The following PACSIN2 variants were observed in gnomAD, a reference collection of about 807,000 sequenced individuals.
The protein encoded by PACSIN2 is protein kinase C and casein kinase substrate in neurons 2.
In PACSIN2, 25 loss-of-function variants were observed where a neutral mutation model predicts 63.8. That is an observed-to-expected ratio of 0.39 (90% confidence interval 0.29 to 0.55). The LOEUF (loss-of-function observed/expected upper bound fraction) is 0.55, where lower values mean the gene tolerates loss of function less well. Ranked by LOEUF, PACSIN2 falls within the 20% of genes least tolerant of loss-of-function variation. The pLI, the probability that PACSIN2 is intolerant of heterozygous loss-of-function variation, is 0.62. For missense variants in PACSIN2, 518 were observed against 646.9 expected (o/e 0.80, Z 2.16); for synonymous variants, 255 against 256.2 (o/e 1.00, Z 0.05).
At chr22:42,950,460 AAAG>A (rs1170683543) in intron 1 of PACSIN2, among the ~76,000 whole-genome samples, 2 of 151,966 alleles carry the variant, frequency 1.3e-5, no homozygotes, top group Admixed American at 1.3e-4. Flanking sequence ...TTGGTTGAGG[AAAG>A]AAGGCCTGCA....
At chr22:42,974,223 A>G (rs925334614) in intron 1 of PACSIN2, among the ~76,000 whole-genome samples, 4 of 152,230 alleles carry the variant, frequency 2.6e-5, no homozygotes, top group African/African-American at 4.8e-5. Flanking sequence ...GACTAGGTAC[A>G]ATGAAAAACA....
chr22:42,933,154 C>A (rs979721429), intron 1 of PACSIN2, among the ~76,000 whole-genome samples: 2 of 152,182 alleles, frequency 1.3e-5, no homozygotes, highest in African/African-American at 4.8e-5. Context: ...CAGAGGAAAA[C>A]CTTGTTATCC....
chr22:42,871,354 T>G lies in PACSIN2; in HGVS notation c.*3A>C. The G allele has an allele frequency of 6.2e-7, 1 of 1,603,784 alleles. No individual in the cohort carries two copies. The highest frequency in any genetic ancestry group is 8.5e-7 in the Non-Finnish European group (1 of 1,170,418). ...GTCCCCCCGCTGGCCTGTCCCCGAC[T>G]CATCACTGGATCGCCTCCACATAAT... On this transcript the variant is annotated 3_prime_UTR_variant, in exon 11 of 11. Transcript: ENST00000263246. The surrounding 1 kb of genome is among the most constrained non-coding windows in gnomAD (Gnocchi z 5.4).
rs555274538 is a variant in PACSIN2 at position 42,918,853 on chromosome 22, T to C, written c.-77-6696A>G. 9.2e-5 allele frequency among the ~76,000 whole-genome samples: 14 copies of C among 152,260 alleles called. No individual in the cohort carries two copies. In the South Asian group the frequency reaches 2.5e-3, roughly 27 times the overall value. Reference sequence around the variant, plus strand: ...CTATAATTTTTTTTTGACACACACATGTCCTTAACCATAAAAATGAATCTG... The same window carrying C: ...CTATAATTTTTTTTTGACACACACACGTCCTTAACCATAAAAATGAATCTG... On this transcript the variant is annotated intron_variant, in intron 1 of 10. Coordinates refer to ENST00000263246, the MANE Select transcript of PACSIN2 (RefSeq NM_001184970.3).
chr22:42,875,692 C>T (rs192422722), intron 10 of PACSIN2, among the ~76,000 whole-genome samples: 3 of 152,264 alleles, frequency 2.0e-5, no homozygotes, highest in Non-Finnish European at 4.4e-5. Context: ...CCCCGCCACA[C>T]GCCTGGCTCA....
At chr22:42,958,066 G>T (rs1933987461) in intron 1 of PACSIN2, among the ~76,000 whole-genome samples, 1 of 151,676 alleles carries the variant, frequency 6.6e-6, no homozygotes, top group South Asian at 2.1e-4. Flanking sequence ...GTTTGAAAGT[G>T]AAACAAATAT....
chr22:42,977,180 T>C (rs1921765013), intron 1 of PACSIN2, among the ~76,000 whole-genome samples: 2 of 144,418 alleles, frequency 1.4e-5, no homozygotes, highest in South Asian at 4.2e-4. Flanking sequence ...TACAAAGAAA[T>C]AGAAATAGAA....
At position 42,871,473 on chromosome 22, in the gene PACSIN2, C is replaced by G; in HGVS notation, c.1349-4G>C. 8 of 1,607,900 alleles carry G rather than the reference C, an allele frequency of 5.0e-6. No homozygotes were observed. The highest frequency in any genetic ancestry group is 6.8e-6 in the Non-Finnish European group (8 of 1,174,286). On this transcript the variant is annotated splice_polypyrimidine_tract_variant and splice_region_variant and intron_variant, in intron 10 of 10. Coordinates refer to ENST00000263246, the MANE Select transcript of PACSIN2 (RefSeq NM_001184970.3). The surrounding 1 kb of genome is among the most constrained non-coding windows in gnomAD (Gnocchi z 5.4). ...TCCATCTTGGTCAGCTCATCCCCTG[C>G]AAGACAAAGAGGGAGCCGTCTCCAT...
intron 1 of PACSIN2, among the ~76,000 whole-genome samples, chr22:42,982,888 A>AACAAAAAAAAAAAAAAC (rs1555943705): frequency 9.5e-6 from 1 of 105,158 alleles, no homozygotes; most frequent in Non-Finnish European, 2.1e-5. Context: ...AAAAAAAAAA[A>AACAAAAAAAAAAAAAAC]AACAACAACA....
In PACSIN2 at chr22:42,919,794, A is replaced by AAG. The variant is rs1555918000; in HGVS notation, c.-77-7638_-77-7637insCT. Among the ~76,000 whole-genome samples, 728 of 105,306 alleles carry AAG rather than the reference A, an allele frequency of 6.9e-3. 5 individuals are homozygous for AAG. Among genetic ancestry groups the AAG allele is most frequent in the Non-Finnish European group, 0.01 (608 of 60,744 alleles). The allele number at this position is 105,306 out of a possible 152,430, so 69.1% of individuals were successfully genotyped here. ...TCTCAAAAAAAAAAAAAAAAAAAAAAAAAGAAAGAAAGAAAGAAAAAGAAA... is the reference window on the plus strand; with the variant it reads ...TCTCAAAAAAAAAAAAAAAAAAAAAAAGAAAGAAAGAAAGAAAGAAAAAGAAA... On this transcript the variant is annotated intron_variant, in intron 1 of 10. Coordinates refer to ENST00000263246, the MANE Select transcript of PACSIN2 (RefSeq NM_001184970.3).
intron 2 of PACSIN2, 93 bp downstream of exon 2, chr22:42,911,928 C>G: frequency 1.2e-6 from 1 of 866,676 alleles, no homozygotes. Flanking sequence ...GTATGTTCAC[C>G]TCAGTTCCCA....
At chr22:42,970,881 G>A (rs558531219) in intron 1 of PACSIN2, among the ~76,000 whole-genome samples, 2 of 152,026 alleles carry the variant, frequency 1.3e-5, no homozygotes, top group Admixed American at 6.6e-5. Context: ...GGCCTGCAGC[G>A]CCTCCCCACG....
At chr22:42,928,752 TAAAC>T (rs1166386002) in intron 1 of PACSIN2, among the ~76,000 whole-genome samples, 1 of 152,218 alleles carries the variant, frequency 6.6e-6, no homozygotes, top group African/African-American at 2.4e-5. Context: ...CATATACCTC[TAAAC>T]AAACAAAATC....
chr22:42,877,851 C>G (rs774687396), intron 8 of PACSIN2, among the ~76,000 whole-genome samples: 1 of 152,234 alleles, frequency 6.6e-6, no homozygotes, highest in Non-Finnish European at 1.5e-5. Flanking sequence ...AGACCAGGGC[C>G]TCAGGGCACA....
At chr22:42,876,714 C>T (rs1268764042) in intron 9 of PACSIN2, among the ~76,000 whole-genome samples, 174 bp downstream of exon 9, 1 of 152,200 alleles carries the variant, frequency 6.6e-6, no homozygotes, top group Admixed American at 6.5e-5. Flanking sequence ...ATGGGGGTGC[C>T]AGAGAGCCTG....
intron 1 of PACSIN2, among the ~76,000 whole-genome samples, chr22:42,948,582 G>C (rs1933535277): frequency 6.6e-6 from 1 of 152,142 alleles, no homozygotes; most frequent in Non-Finnish European, 1.5e-5. Context: ...AGGCTGCAGT[G>C]AGCTATGATA....
chr22:42,926,329 C>T (rs940900511), intron 1 of PACSIN2, among the ~76,000 whole-genome samples: 4 of 152,116 alleles, frequency 2.6e-5, no homozygotes, highest in Non-Finnish European at 4.4e-5. Flanking sequence ...AAGCACCCAT[C>T]GGCCTGGGCA....
intron 1 of PACSIN2, among the ~76,000 whole-genome samples, chr22:42,987,483 CACACACACACCCAT>C (rs1475130536): frequency 6.0e-4 from 69 of 115,696 alleles, no homozygotes; most frequent in African/African-American, 1.4e-3. Context: ...CACACACACA[CACACACACACCCAT>C]GGCACCATGT....
intron 1 of PACSIN2, among the ~76,000 whole-genome samples, chr22:42,938,869 T>C (rs963614611): frequency 6.1e-5 from 9 of 147,858 alleles, no homozygotes; most frequent in African/African-American, 2.4e-4. Flanking sequence ...GTAAAAATGC[T>C]GTCTGTGACA....
Sources: gnomAD v4.1 joint callset for allele counts (sites outside exome capture counted in the v4.1 genomes callset) on GRCh38, gnomAD v4.1.1 for gene constraint, Gnocchi (gnomAD v3.1) non-coding constraint, MANE v1.5 for transcripts, NCBI Gene and HGNC (gene_info 2026-07-23, HGNC 2026-07-21) for gene names.